RSPH14: variants seen among roughly 807,000 people sequenced by gnomAD.
RSPH14 encodes radial spoke head 14 homolog, also known as rhabdoid tumor deletion region gene 1.
A neutral mutation model predicts 26.7 loss-of-function variants in RSPH14; 20 were observed. The ratio of observed to expected loss-of-function variants is 0.75; its 90% CI spans 0.53 to 1.09. RSPH14 has a LOEUF of 1.09. Ranked by LOEUF, RSPH14 falls within the 50% of genes least tolerant of loss-of-function variation. The pLI is 0.00. For synonymous variants in RSPH14, 177 were observed against 189.3 expected, an observed-to-expected ratio of 0.93 and a Z score of 0.53; for missense variants, 449 against 457.2, an observed-to-expected ratio of 0.98 and a Z score of 0.16.
intron 4 of RSPH14, among the ~76,000 whole-genome samples, chr22:23,097,115 A>C (rs909914204): frequency 2.0e-5 from 3 of 152,208 alleles, no homozygotes; most frequent in African/African-American, 7.2e-5. Context: ...CTTGCCCAGC[A>C]GGATTCCCTG....
chr22:23,070,762 A>T (rs2068343954), intron 4 of RSPH14: 1 of 151,656 alleles, frequency 6.6e-6, no homozygotes, highest in East Asian at 1.9e-4. Flanking sequence ...CGAGGTGGGC[A>T]GGGGGCGGCC....
At chr22:23,157,887 GGGGGGCTGCCCTGGCAGTTC>G in the RSPH14 span, 2 of 1,580,086 alleles carry the variant, frequency 1.3e-6, no homozygotes, top group Non-Finnish European at 1.7e-6. Context: ...GTGCCTGGTT[GGGGGGCTGCCCTGGCAGTTC>G]CTTGGGAGCT....
chr22:23,164,543 T>C, the RSPH14 span, among the ~76,000 whole-genome samples: 1 of 152,122 alleles, frequency 6.6e-6, no homozygotes, highest in African/African-American at 2.4e-5. Context: ...GCACCCTCAC[T>C]TTGATGATTT....
intron 4 of RSPH14, among the ~76,000 whole-genome samples, chr22:23,069,327 T>C (rs968083745): frequency 6.6e-6 from 1 of 152,200 alleles, no homozygotes; most frequent in African/African-American, 2.4e-5. Context: ...TTGCACTTTG[T>C]CAGGGATGCT....
At chr22:23,077,844 C>A (rs972365724) in intron 4 of RSPH14, among the ~76,000 whole-genome samples, 2 of 152,178 alleles carry the variant, frequency 1.3e-5, no homozygotes, top group Admixed American at 1.3e-4. Flanking sequence ...CAGGCCCTGA[C>A]CCCCTGTGAA....
chr22:23,064,161 C>A (rs183934427), intron 4 of RSPH14, 28 bp from the exon 5 acceptor site: 2 of 1,604,468 alleles, frequency 1.2e-6, no homozygotes, highest in Admixed American at 1.7e-5. Context: ...GCACTGAGGG[C>A]GGGCTGGCCA....
chr22:23,114,564 G>A (rs1051575776), intron 4 of RSPH14, among the ~76,000 whole-genome samples: 1 of 152,184 alleles, frequency 6.6e-6, no homozygotes, highest in African/African-American at 2.4e-5. Flanking sequence ...CAGAGTTGTA[G>A]CTGGCCAGCA....
chr22:23,138,651 C>A (rs566230250), intron 3 of RSPH14, among the ~76,000 whole-genome samples, 189 bp downstream of exon 3: 1 of 151,494 alleles, frequency 6.6e-6, no homozygotes. Flanking sequence ...GAACAGAGGG[C>A]CCCATAAGAT....
chr22:23,127,707 C>T (rs1255358425), intron 4 of RSPH14, among the ~76,000 whole-genome samples: 1 of 152,188 alleles, frequency 6.6e-6, no homozygotes, highest in Non-Finnish European at 1.5e-5. Context: ...ACATTGGGTG[C>T]ATTCTGGGTG....
chr22:23,159,046 G>A, the RSPH14 span: 2 of 1,589,102 alleles, frequency 1.3e-6, no homozygotes, highest in Non-Finnish European at 8.6e-7. Context: ...AGCCCTCATT[G>A]GAGGAGCCAT....
At chr22:23,096,224 C>T (rs2069119286) in intron 4 of RSPH14, 2 of 1,613,830 alleles carry the variant, frequency 1.2e-6, no homozygotes, top group South Asian at 1.1e-5. Context: ...GGACATCCTG[C>T]GCTCCCGGGA....
At chr22:23,142,266 A>T (rs372612063), upstream of RSPH14, among the ~76,000 whole-genome samples, 2 of 152,204 alleles carry the variant, frequency 1.3e-5, no homozygotes, top group Admixed American at 6.5e-5. Flanking sequence ...TAAATTCATA[A>T]GGTGGTAACA....
Position 23,084,780 on chromosome 22 carries a change from G to A in RSPH14, c.422-20647C>T, listed in dbSNP as rs138741091. On this transcript the variant is annotated intron_variant, in intron 4 of 6. Coordinates refer to ENST00000216036, the MANE Select transcript of RSPH14 (RefSeq NM_014433.3). The stretch of plus-strand genomic sequence containing the variant: ...CAGTGGGGATGCCACAGACAGTGTC[G>A]TGCTGGGAAGGCAGGGAAGTCAGGT... Among the ~76,000 whole-genome samples the A allele has an allele frequency of 2.0e-4, 30 of 152,320 alleles. No homozygotes were observed. The East Asian group carries it at 3.9e-3, about 20-fold the overall frequency.
At chr22:23,179,659 G>A in the RSPH14 span, 1 of 155,572 alleles carries the variant, frequency 6.4e-6, no homozygotes, top group Non-Finnish European at 1.4e-5. Flanking sequence ...GTGACCTGAG[G>A]GAGAAATCCC....
At chr22:23,074,538 A>G (rs979211522) in intron 4 of RSPH14, among the ~76,000 whole-genome samples, 9 of 152,110 alleles carry the variant, frequency 5.9e-5, no homozygotes, top group African/African-American at 2.2e-4. Flanking sequence ...AGGGAGAGCA[A>G]GGCTGGAGGT....
upstream of RSPH14, among the ~76,000 whole-genome samples, chr22:23,149,078 GA>G (rs2070959224): frequency 6.6e-6 from 1 of 152,172 alleles, no homozygotes; most frequent in South Asian, 2.1e-4. Flanking sequence ...CTGGAACTGA[GA>G]GGGCAGATGG....
chr22:23,134,603 A>G (rs941046581), intron 3 of RSPH14, among the ~76,000 whole-genome samples: 41 of 149,916 alleles, frequency 2.7e-4, no homozygotes, highest in African/African-American at 8.6e-4. Context: ...AGTGGCTCAC[A>G]CTTGTAATCC....
intron 1 of RSPH14, among the ~76,000 whole-genome samples, chr22:23,141,676 C>T (rs1345226458): frequency 6.6e-6 from 1 of 152,214 alleles, no homozygotes; most frequent in East Asian, 1.9e-4. Flanking sequence ...AAAAGGTAAG[C>T]CAGATGCTCA....
chr22:23,171,355 A>G, the RSPH14 span, among the ~76,000 whole-genome samples: 1 of 152,176 alleles, frequency 6.6e-6, no homozygotes, highest in Middle Eastern at 3.4e-3. Context: ...ACTGATGCTG[A>G]ACTTAGTGCA....
Sources: gnomAD v4.1 joint callset for allele counts (sites outside exome capture counted in the v4.1 genomes callset) on GRCh38, gnomAD v4.1.1 for gene constraint, MANE v1.5 for transcripts, NCBI Gene and HGNC (gene_info 2026-07-23, HGNC 2026-07-21) for gene names.